The following GRIA1 variants were observed in gnomAD, a reference collection of about 807,000 sequenced individuals.
GRIA1 encodes glutamate receptor 1.
A neutral mutation model predicts 99.2 loss-of-function variants in GRIA1; 31 were observed. That is an observed-to-expected ratio of 0.31 (90% CI 0.23 to 0.42). The LOEUF is 0.42. GRIA1 is among the 10% of genes least tolerant of loss of function. The pLI, the probability that GRIA1 is intolerant of heterozygous loss-of-function variation, is 1.00. For synonymous variants in GRIA1, 438 were observed against 432.4 expected (o/e 1.01, Z -0.16); for missense variants, 782 against 1,157.5 (o/e 0.68, Z 4.71).
At chr5:153,612,977 TG>T (rs2149411726) in intron 2 of GRIA1, among the ~76,000 whole-genome samples, 1 of 152,354 alleles carries the variant, frequency 6.6e-6, no homozygotes, top group Admixed American at 6.5e-5. Context: ...TTATTTTCTC[TG>T]CCTTGTGTGC....
chr5:153,678,103 C>G (rs542779924), intron 7 of GRIA1, among the ~76,000 whole-genome samples: 3 of 152,222 alleles, frequency 2.0e-5, no homozygotes, highest in African/African-American at 7.2e-5. Flanking sequence ...AGGACCCACC[C>G]TCCCCAACAA....
rs149169378 is a variant in GRIA1 at position 153,670,968 on chromosome 5, G to A, written c.700-3532G>A. ...GCATGAAATCTGAAATAGGAGGGAA[G>A]ATGTCAGCTATTAGATGAGAATATA... On this transcript the variant is annotated intron_variant, in intron 5 of 15. Coordinates refer to ENST00000285900, the MANE Select transcript of GRIA1 (RefSeq NM_000827.4). Among the ~76,000 whole-genome samples the A allele has an allele frequency of 3.9e-3, 596 of 152,314 alleles. 8 individuals are homozygous for A. Among genetic ancestry groups the A allele is most frequent in the African/African-American group, 0.014 (581 of 41,572 alleles).
intron 2 of GRIA1, among the ~76,000 whole-genome samples, chr5:153,574,842 G>A (rs373737921): frequency 6.6e-5 from 10 of 152,072 alleles, no homozygotes; most frequent in East Asian, 5.8e-4. Flanking sequence ...ACTTGGCCTC[G>A]GTTTCCCCAT....
chr5:153,746,561 T>C (rs1334963891), intron 11 of GRIA1, among the ~76,000 whole-genome samples: 2 of 152,114 alleles, frequency 1.3e-5, no homozygotes, highest in Non-Finnish European at 2.9e-5. Flanking sequence ...CAGATGACAA[T>C]GCAGGCCCAC....
At chr5:153,782,945 G>A (rs1015759919) in intron 13 of GRIA1, among the ~76,000 whole-genome samples, 1 of 152,212 alleles carries the variant, frequency 6.6e-6, no homozygotes, top group Non-Finnish European at 1.5e-5. Context: ...GAGAGATACA[G>A]TGGAGCTGCA....
chr5:153,755,220 G>T (rs2149594831), intron 11 of GRIA1, among the ~76,000 whole-genome samples: 1 of 152,294 alleles, frequency 6.6e-6, no homozygotes, highest in Middle Eastern at 3.4e-3. Flanking sequence ...GCTTTGGTGA[G>T]TTTTAAGCAG....
intron 13 of GRIA1, among the ~76,000 whole-genome samples, chr5:153,780,331 C>A (rs1764551323): frequency 6.6e-6 from 1 of 152,156 alleles, no homozygotes; most frequent in Non-Finnish European, 1.5e-5. Flanking sequence ...TCAAATTCTG[C>A]CTCCCGCATT....
intron 11 of GRIA1, among the ~76,000 whole-genome samples, chr5:153,756,294 CCACCCATGCAGGAAATTAGTTGG>C (rs534631253): frequency 7.0e-4 from 107 of 152,312 alleles, no homozygotes; most frequent in Non-Finnish European, 1.1e-3. Context: ...GGAAACTCCC[CCACCCATGCAGGAAATTAGTTGG>C]GAAGTACACA....
At chr5:153,688,376 T>A (rs1263800327) in intron 8 of GRIA1, among the ~76,000 whole-genome samples, 1 of 152,222 alleles carries the variant, frequency 6.6e-6, no homozygotes, top group African/African-American at 2.4e-5. Flanking sequence ...ATAGTCCAAG[T>A]CTGAGTTCAT....
intron 2 of GRIA1, among the ~76,000 whole-genome samples, chr5:153,600,877 C>A (rs1170518283): frequency 6.6e-6 from 1 of 152,220 alleles, no homozygotes; most frequent in Non-Finnish European, 1.5e-5. Flanking sequence ...GTAGCTTCAG[C>A]TGTCAGAGCA....
intron 5 of GRIA1, among the ~76,000 whole-genome samples, chr5:153,664,421 G>A (rs1010022521): frequency 1.8e-4 from 28 of 152,218 alleles, no homozygotes; most frequent in African/African-American, 5.8e-4. Context: ...CTGTGACAGA[G>A]GGCAGTAACC....
At chr5:153,634,107 G>A (rs934016366) in intron 2 of GRIA1, among the ~76,000 whole-genome samples, 1 of 152,010 alleles carries the variant, frequency 6.6e-6, no homozygotes, top group African/African-American at 2.4e-5. Flanking sequence ...ACAAGGTCAG[G>A]ACATCGAGAC....
intron 5 of GRIA1, among the ~76,000 whole-genome samples, chr5:153,671,948 G>C (rs757423950): frequency 2.0e-5 from 3 of 152,210 alleles, no homozygotes; most frequent in Non-Finnish European, 4.4e-5. Flanking sequence ...AGATAGAGCA[G>C]ACTGGATAGG....
At chr5:153,686,404 T>C in intron 8 of GRIA1, 75 bp downstream of exon 8, 1 of 1,015,428 alleles carries the variant, frequency 9.8e-7, no homozygotes, top group South Asian at 1.4e-5. Context: ...TGAGGGCCTG[T>C]GAGTCCACCT....
chr5:153,707,352 G>C (rs1190891286), intron 11 of GRIA1, among the ~76,000 whole-genome samples: 11 of 152,144 alleles, frequency 7.2e-5, no homozygotes, highest in Admixed American at 7.2e-4. Flanking sequence ...GAGGAAGGTA[G>C]GAAACCTGCC....
intron 2 of GRIA1, among the ~76,000 whole-genome samples, chr5:153,642,800 C>A (rs368907296): frequency 5.3e-5 from 8 of 152,308 alleles, no homozygotes; most frequent in African/African-American, 1.9e-4. Flanking sequence ...CCCATCTCTT[C>A]TCTCCTACTT....
chr5:153,607,066 T>TAG (rs1448266452), intron 2 of GRIA1, among the ~76,000 whole-genome samples: 1 of 146,454 alleles, frequency 6.8e-6, no homozygotes. Context: ...TATATATATA[T>TAG]ATAATCACAG....
intron 7 of GRIA1, among the ~76,000 whole-genome samples, chr5:153,684,279 G>T (rs1304988470): frequency 6.6e-6 from 1 of 152,170 alleles, no homozygotes; most frequent in East Asian, 1.9e-4. Context: ...TTAGTATTAA[G>T]TATCACCATT....
rs368155791 is a variant in GRIA1, at chr5:153,759,296, T to C, written c.1824-5138T>C. 7.9e-5 allele frequency among the ~76,000 whole-genome samples: 12 copies of C among 151,518 alleles called. No individual in the cohort carries two copies. The South Asian group carries it at 1.5e-3, about 18-fold the overall frequency. On this transcript the variant is annotated intron_variant, in intron 11 of 15. Transcript: ENST00000285900. Reference sequence around the variant, plus strand: ...CAAAAAGAGTTGCTTTTTAGAAAGATAAAACTGACGAACCTTTAGCAAGAC... The same window carrying C: ...CAAAAAGAGTTGCTTTTTAGAAAGACAAAACTGACGAACCTTTAGCAAGAC...
Sources: allele counts gnomAD v4.1 joint callset (sites outside exome capture counted in the v4.1 genomes callset), GRCh38; gene constraint gnomAD v4.1.1; transcripts MANE v1.5; gene names NCBI Gene and HGNC (gene_info 2026-07-23, HGNC 2026-07-21).